Variants in SPMIP11 observed in about 807,000 individuals in gnomAD.
SPMIP11 encodes long intergenic non-protein coding RNA 935.
the SPMIP11 span, chr12:48,771,144 G>C: frequency 1.5e-6 from 1 of 653,180 alleles, no homozygotes; most frequent in Non-Finnish European, 2.6e-6. The surrounding 1 kb of genome is among the most constrained non-coding windows in gnomAD (Gnocchi z 4.3). Flanking sequence ...AGGCAGCCTA[G>C]GACTCCAGGC....
the SPMIP11 span, among the ~76,000 whole-genome samples, chr12:48,753,720 T>TTGGGG: frequency 6.7e-6 from 1 of 149,380 alleles, no homozygotes; most frequent in Admixed American, 6.7e-5. Flanking sequence ...TTTCTTTTTT[T>TTGGGG]GGAGACAGTC....
the SPMIP11 span, chr12:48,768,456 C>G: frequency 7.0e-6 from 9 of 1,289,152 alleles, no homozygotes; most frequent in Admixed American, 3.8e-5. Flanking sequence ...CCAAGCACAG[C>G]CTGCTGGGAT....
the SPMIP11 span, among the ~76,000 whole-genome samples, chr12:48,745,123 T>G: frequency 1.3e-5 from 2 of 151,252 alleles, no homozygotes; most frequent in African/African-American, 4.9e-5. Flanking sequence ...ACAAAAAAAT[T>G]AGCCAGGCTT....
At chr12:48,751,731 A>G in the SPMIP11 span, among the ~76,000 whole-genome samples, 1 of 150,078 alleles carries the variant, frequency 6.7e-6, no homozygotes, top group Non-Finnish European at 1.5e-5. Context: ...TGTCTGCCTT[A>G]TTGTAGAGAC....
At chr12:48,765,833 G>A in the SPMIP11 span, 1 of 598,214 alleles carries the variant, frequency 1.7e-6, no homozygotes, top group East Asian at 2.9e-5. Context: ...CAGGATGGGA[G>A]TGATTCCAGT....
At chr12:48,729,758 C>CT in the SPMIP11 span, among the ~76,000 whole-genome samples, 5 of 151,336 alleles carry the variant, frequency 3.3e-5, no homozygotes, top group Non-Finnish European at 5.9e-5. Flanking sequence ...CACAGGCCTC[C>CT]ATTGGTCATT....
At chr12:48,736,139 C>CA in the SPMIP11 span, 6 of 448,916 alleles carry the variant, frequency 1.3e-5, no homozygotes, top group African/African-American at 6.1e-5. Context: ...CATGGTAGCT[C>CA]ACGCCTGTAA....
At chr12:48,769,114 G>T in the SPMIP11 span, 3 of 1,488,344 alleles carry the variant, frequency 2.0e-6, no homozygotes, top group Non-Finnish European at 2.7e-6. Context: ...GTAAACCCAG[G>T]GAGTCATCCC....
At chr12:48,760,576 T>TAC in the SPMIP11 span, among the ~76,000 whole-genome samples, 1 of 151,590 alleles carries the variant, frequency 6.6e-6, no homozygotes, top group Non-Finnish European at 1.5e-5. Context: ...GCCCAGGCTG[T>TAC]AGTGCAGTGC....
the SPMIP11 span, chr12:48,759,474 G>T: frequency 1.7e-6 from 1 of 583,074 alleles, no homozygotes; most frequent in Non-Finnish European, 3.1e-6. Context: ...GGATCACAAG[G>T]TCAGGAGTTC....
At chr12:48,742,953 C>T in the SPMIP11 span, among the ~76,000 whole-genome samples, 1 of 151,988 alleles carries the variant, frequency 6.6e-6, no homozygotes, top group Non-Finnish European at 1.5e-5. Flanking sequence ...TCCATCAGTT[C>T]AAATATTTCA....
At chr12:48,763,839 C>G in the SPMIP11 span, among the ~76,000 whole-genome samples, 2,714 of 152,048 alleles carry the variant, frequency 0.018, 78 homozygotes, top group African/African-American at 0.061. Context: ...CCACGATGCC[C>G]TGCTAATTTT....
At chr12:48,734,191 A>G in the SPMIP11 span, among the ~76,000 whole-genome samples, 1 of 152,062 alleles carries the variant, frequency 6.6e-6, no homozygotes, top group Non-Finnish European at 1.5e-5. Flanking sequence ...TGCAGCCTCA[A>G]ACTCCTGGGC....
At chr12:48,764,726 CCT>C in the SPMIP11 span, 1 of 610,672 alleles carries the variant, frequency 1.6e-6, no homozygotes, top group Admixed American at 2.7e-5. Context: ...ACTCCCAGGA[CCT>C]CTCAGCACCT....
At chr12:48,770,502 G>A in the SPMIP11 span, among the ~76,000 whole-genome samples, 9 of 152,106 alleles carry the variant, frequency 5.9e-5, no homozygotes, top group Admixed American at 2.6e-4. Flanking sequence ...GTTTGACCTT[G>A]GGCAAGTTAT....
the SPMIP11 span, among the ~76,000 whole-genome samples, chr12:48,737,662 G>A: frequency 9.2e-5 from 14 of 151,856 alleles, no homozygotes; most frequent in East Asian, 7.8e-4. Context: ...TGATCCACCC[G>A]CCTCGGCCTC....
At chr12:48,764,371 T>C in the SPMIP11 span, among the ~76,000 whole-genome samples, 3 of 152,128 alleles carry the variant, frequency 2.0e-5, no homozygotes, top group African/African-American at 7.2e-5. Context: ...TAGAACATAA[T>C]AGGCACTAGA....
At chr12:48,768,895 C>G in the SPMIP11 span, 1 of 1,581,212 alleles carries the variant, frequency 6.3e-7, no homozygotes, top group Non-Finnish European at 8.6e-7. Flanking sequence ...GGAAGCCCTC[C>G]GGGCCCATGT....
chr12:48,755,370 C>T, the SPMIP11 span, among the ~76,000 whole-genome samples: 1 of 152,128 alleles, frequency 6.6e-6, no homozygotes, highest in Non-Finnish European at 1.5e-5. Flanking sequence ...TGTTGTATCA[C>T]CTACCGACAG....
Sources: gnomAD v4.1 joint callset for allele counts (sites outside exome capture counted in the v4.1 genomes callset) on GRCh38, gnomAD v4.1.1 for gene constraint, Gnocchi (gnomAD v3.1) non-coding constraint, MANE v1.5 for transcripts, NCBI Gene and HGNC (gene_info 2026-07-23, HGNC 2026-07-21) for gene names.